The following AFAP1L2 variants were observed in gnomAD, a reference collection of about 807,000 sequenced individuals.
The protein encoded by AFAP1L2 is actin filament associated protein 1 like 2, also known as actin filament-associated protein 1-like 2.
A neutral mutation model predicts 99.3 loss-of-function variants in AFAP1L2; 46 were observed. The observed-to-expected ratio is 0.46, with a 90% confidence interval of 0.37 to 0.59. AFAP1L2 has a LOEUF of 0.59. Ranked by LOEUF, AFAP1L2 falls within the 20% of genes least tolerant of loss-of-function variation. The pLI is 0.00. For synonymous variants in AFAP1L2, 397 were observed against 419.1 expected (o/e 0.95, Z 0.64); for missense variants, 959 against 1,034.9 (o/e 0.93, Z 1.01).
intron 1 of AFAP1L2, chr10:114,398,731 C>T (rs2057964501): frequency 1.0e-6 from 1 of 964,744 alleles, no homozygotes; most frequent in South Asian, 1.5e-5. Flanking sequence ...AGGCCGGTGC[C>T]CAGCTCCTTG....
rs2040737929 is a variant in AFAP1L2 at position 114,299,256 on chromosome 10, T to C, written c.2113+4A>G. ...GGGTCCCTCCCCACTGGGGGCCCCCTTACCTGTGCATTTCAGTAGGGTTTC... is the reference window on the plus strand; with the variant it reads ...GGGTCCCTCCCCACTGGGGGCCCCCCTACCTGTGCATTTCAGTAGGGTTTC... On this transcript the variant is annotated splice_donor_region_variant and intron_variant, in intron 16 of 18. Transcript: ENST00000304129. 1 of 1,614,132 alleles carries C rather than the reference T, an allele frequency of 6.2e-7. No homozygotes were observed. The highest frequency in any genetic ancestry group is 1.1e-5 in the South Asian group (1 of 91,084).
At chr10:114,290,260 C>T (rs62623671), downstream of AFAP1L2, 19,624 of 1,550,568 alleles carry the variant, frequency 0.013, 165 homozygotes, top group Middle Eastern at 0.018. Context: ...GCCAGTCAAC[C>T]TCTGCAAACC....
chr10:114,282,173 T>G, the AFAP1L2 span, among the ~76,000 whole-genome samples: 3 of 152,048 alleles, frequency 2.0e-5, no homozygotes, highest in Non-Finnish European at 2.9e-5. Flanking sequence ...CCAGCTAATT[T>G]TTGTATTTTT....
rs747664158 is a variant in AFAP1L2, at chr10:114,302,494, G to C, written c.1285-10C>G. ...CCTCGGAAGACTTGGCCTGGAACGA[G>C]GCCAAGAGAGACATAAGCAGGGCCA... On this transcript the variant is annotated splice_polypyrimidine_tract_variant and intron_variant, in intron 11 of 18. Transcript: ENST00000304129. The C allele has an allele frequency of 8.7e-6, 14 of 1,613,712 alleles. No homozygotes were observed. The highest frequency in any genetic ancestry group is 1.3e-5 in the African/African-American group (1 of 74,902).
At chr10:114,323,372 T>G (rs903044653) in intron 4 of AFAP1L2, 111 bp from the exon 5 acceptor site, 3 of 886,866 alleles carry the variant, frequency 3.4e-6, no homozygotes, top group Non-Finnish European at 5.3e-6. Flanking sequence ...AGCTGGACTT[T>G]AAACTTTAAG....
chr10:114,335,959 A>AT (rs910789866), intron 2 of AFAP1L2, among the ~76,000 whole-genome samples: 145 of 151,600 alleles, frequency 9.6e-4, no homozygotes, highest in African/African-American at 3.2e-3. Flanking sequence ...TTCAGTGTTC[A>AT]TTTTTTTTTA....
chr10:114,282,482 G>T, the AFAP1L2 span: 11 of 1,592,638 alleles, frequency 6.9e-6, no homozygotes, highest in Non-Finnish European at 9.5e-6. Flanking sequence ...TTACACCTCT[G>T]ATCTGTCTAT....
At chr10:114,397,747 G>C (rs1177562852) in intron 1 of AFAP1L2, among the ~76,000 whole-genome samples, 2 of 152,174 alleles carry the variant, frequency 1.3e-5, no homozygotes, top group Non-Finnish European at 2.9e-5. Flanking sequence ...AGTGGTTGCT[G>C]TCTCTGAGCT....
intron 1 of AFAP1L2, among the ~76,000 whole-genome samples, chr10:114,349,860 C>A (rs1477774394): frequency 6.6e-6 from 1 of 152,134 alleles, no homozygotes; most frequent in Non-Finnish European, 1.5e-5. Context: ...GCTCTGCTCC[C>A]GCCAAGCCTG....
At chr10:114,285,443 C>T in the AFAP1L2 span, among the ~76,000 whole-genome samples, 1,982 of 152,304 alleles carry the variant, frequency 0.013, 13 homozygotes, top group Middle Eastern at 0.031. Flanking sequence ...CCATGCTTGA[C>T]GCATATAAGG....
At chr10:114,289,299 C>A in the AFAP1L2 span, 2 of 1,613,828 alleles carry the variant, frequency 1.2e-6, no homozygotes, top group Non-Finnish European at 1.7e-6. Flanking sequence ...GCGGGAGAGG[C>A]GCAGAGGATG....
chr10:114,313,560 A>G (rs373816547), intron 7 of AFAP1L2, among the ~76,000 whole-genome samples: 2 of 152,206 alleles, frequency 1.3e-5, no homozygotes, highest in Non-Finnish European at 2.9e-5. Context: ...TCCTGGGTCT[A>G]TGGCAAATAC....
At chr10:114,360,606 C>T (rs1448448435) in intron 1 of AFAP1L2, among the ~76,000 whole-genome samples, 1 of 151,750 alleles carries the variant, frequency 6.6e-6, no homozygotes, top group African/African-American at 2.4e-5. Context: ...GGTTCTGTTT[C>T]TCTGGAGAAC....
chr10:114,305,438 C>G (rs1589983178), intron 10 of AFAP1L2, among the ~76,000 whole-genome samples: 1 of 53,892 alleles, frequency 1.9e-5, no homozygotes, highest in Non-Finnish European at 4.2e-5. Context: ...GGAGGGGACG[C>G]AGATGCAGGA....
chr10:114,311,396 A>C (rs2043216428), intron 7 of AFAP1L2, among the ~76,000 whole-genome samples: 1 of 152,226 alleles, frequency 6.6e-6, no homozygotes, highest in Admixed American at 6.5e-5. Context: ...GTCTATGCCT[A>C]GAGCAGTTTG....
At chr10:114,404,282 G>A (rs1323310404) in intron 1 of AFAP1L2, among the ~76,000 whole-genome samples, 158 bp downstream of exon 1, 1 of 152,202 alleles carries the variant, frequency 6.6e-6, no homozygotes, top group African/African-American at 2.4e-5. Context: ...CCAGTCCGCG[G>A]CGCCGCTGTC....
At chr10:114,371,860 T>TTG (rs776953236) in intron 1 of AFAP1L2, among the ~76,000 whole-genome samples, 2,797 of 58,564 alleles carry the variant, frequency 0.048, 32 homozygotes, top group Non-Finnish European at 0.071. Flanking sequence ...AAGATTTTTT[T>TTG]GGGGGGGTGG....
chr10:114,296,113 A>ATAGT lies in AFAP1L2; in HGVS notation c.2431-49_2431-46dup, dbSNP rs767908052. The stretch of plus-strand genomic sequence containing the variant: ...CCAGCACCCACCCCCCACCAAAAAG[A>ATAGT]TAGTTAGTTATCCACTGTAGCAACC... On this transcript the variant is annotated intron_variant, in intron 18 of 18. Coordinates refer to ENST00000304129, the MANE Select transcript of AFAP1L2 (RefSeq NM_001001936.3). 5 of 1,613,470 alleles carry ATAGT rather than the reference A, an allele frequency of 3.1e-6. No homozygotes were observed. The Admixed American group carries it at 5.0e-5, about 16-fold the overall frequency.
At chr10:114,375,582 C>T (rs1217552161) in intron 1 of AFAP1L2, among the ~76,000 whole-genome samples, 2 of 152,098 alleles carry the variant, frequency 1.3e-5, no homozygotes, top group African/African-American at 2.4e-5. Context: ...ATTAGCATTT[C>T]CTATCATTAA....
Sources: allele counts gnomAD v4.1 joint callset (sites outside exome capture counted in the v4.1 genomes callset), GRCh38; gene constraint gnomAD v4.1.1; transcripts MANE v1.5; gene names NCBI Gene and HGNC (gene_info 2026-07-23, HGNC 2026-07-21).